Variants in FTO observed in about 807,000 individuals in gnomAD.
FTO encodes FTO alpha-ketoglutarate dependent dioxygenase.
In FTO, 47 loss-of-function variants were observed where a neutral mutation model predicts 63.9. The observed-to-expected ratio is 0.74, with a 90% confidence interval of 0.58 to 0.94. The LOEUF is 0.94. Ranked by LOEUF, FTO falls within the 40% of genes least tolerant of loss-of-function variation. The pLI is 0.00. For missense variants in FTO, 562 were observed against 618.1 expected, an observed-to-expected ratio of 0.91 and a Z score of 0.96; for synonymous variants, 207 against 224.4, an observed-to-expected ratio of 0.92 and a Z score of 0.69.
At chr16:53,966,527 A>T (rs774878530) in intron 8 of FTO, among the ~76,000 whole-genome samples, 1 of 152,236 alleles carries the variant, frequency 6.6e-6, no homozygotes, top group Admixed American at 6.5e-5. Context: ...TTGATTTCTC[A>T]GTCTACAACA....
At chr16:54,099,596 C>G (rs1400327193) in intron 8 of FTO, among the ~76,000 whole-genome samples, 6 of 152,136 alleles carry the variant, frequency 3.9e-5, no homozygotes, top group African/African-American at 1.2e-4. Flanking sequence ...GTCAGCAGCT[C>G]CTAAATGTTC....
At chr16:53,973,362 C>G (rs994285936) in intron 8 of FTO, among the ~76,000 whole-genome samples, 1 of 152,210 alleles carries the variant, frequency 6.6e-6, no homozygotes, top group Non-Finnish European at 1.5e-5. Flanking sequence ...CCAGATAAGT[C>G]TCTGTTTAAG....
At chr16:53,946,105 C>T (rs934529035) in intron 8 of FTO, among the ~76,000 whole-genome samples, 1 of 152,124 alleles carries the variant, frequency 6.6e-6, no homozygotes, top group African/African-American at 2.4e-5. Flanking sequence ...AACAGCTCTA[C>T]TGGCCTGTAG....
chr16:53,954,337 G>T (rs2082870884), intron 8 of FTO, among the ~76,000 whole-genome samples: 2 of 151,576 alleles, frequency 1.3e-5, no homozygotes, highest in African/African-American at 4.9e-5. Flanking sequence ...AAAGGAGGCA[G>T]AACTTTTTTT....
chr16:53,863,868 C>T (rs769410306), intron 4 of FTO, among the ~76,000 whole-genome samples: 9 of 152,206 alleles, frequency 5.9e-5, no homozygotes, highest in African/African-American at 9.6e-5. Flanking sequence ...GCCTTCTTTG[C>T]CCTTCTTTAA....
At chr16:53,941,761 A>G (rs1205445065) in intron 8 of FTO, among the ~76,000 whole-genome samples, 4 of 152,310 alleles carry the variant, frequency 2.6e-5, no homozygotes, top group African/African-American at 9.6e-5. Context: ...GGTAGGGGGA[A>G]GCACTTGAGC....
chr16:53,853,792 G>A (rs2079890668), intron 4 of FTO, among the ~76,000 whole-genome samples: 1 of 152,164 alleles, frequency 6.6e-6, no homozygotes, highest in Admixed American at 6.5e-5. Context: ...ACATATGCGT[G>A]CAGATATCTT....
At chr16:53,773,793 G>C (rs1436152586) in intron 1 of FTO, among the ~76,000 whole-genome samples, 1 of 152,102 alleles carries the variant, frequency 6.6e-6, no homozygotes, top group East Asian at 1.9e-4. Context: ...ACCTAGTGAA[G>C]GTTTGTAAAC....
chr16:53,977,059 GA>G (rs1271086509), intron 8 of FTO, among the ~76,000 whole-genome samples: 1 of 151,968 alleles, frequency 6.6e-6, no homozygotes, highest in Non-Finnish European at 1.5e-5. Flanking sequence ...GGCACCCTTT[GA>G]TTTTTTTTCC....
chr16:53,844,421 T>C (rs2079562557), intron 4 of FTO, 123 bp downstream of exon 4: 2 of 788,044 alleles, frequency 2.5e-6, no homozygotes, highest in South Asian at 3.3e-5. Flanking sequence ...AGAGCGAAAC[T>C]TCTTTATAAG....
At chr16:53,976,100 G>C (rs1427344902) in intron 8 of FTO, among the ~76,000 whole-genome samples, 1 of 152,064 alleles carries the variant, frequency 6.6e-6, no homozygotes, top group African/African-American at 2.4e-5. Flanking sequence ...CATCTTACAT[G>C]TCTTAATGTG....
At chr16:54,094,112 A>C (rs1599356867) in intron 8 of FTO, among the ~76,000 whole-genome samples, 1 of 152,170 alleles carries the variant, frequency 6.6e-6, no homozygotes, top group Non-Finnish European at 1.5e-5. Context: ...GTGACACTCC[A>C]CCAGCCCGTT....
At chr16:53,848,276 T>A (rs1470005597) in intron 4 of FTO, among the ~76,000 whole-genome samples, 3 of 152,144 alleles carry the variant, frequency 2.0e-5, no homozygotes, top group Admixed American at 1.3e-4. Context: ...ATAGCACTTA[T>A]GAAAAGGAAA....
chr16:54,074,708 G>A (rs2085944655), intron 8 of FTO, among the ~76,000 whole-genome samples: 1 of 151,852 alleles, frequency 6.6e-6, no homozygotes, highest in African/African-American at 2.4e-5. Context: ...AAAATTTTGT[G>A]TGAATCTTTA....
chr16:54,091,267 C>T (rs144796299), intron 8 of FTO, among the ~76,000 whole-genome samples: 196 of 152,202 alleles, frequency 1.3e-3, no homozygotes, highest in African/African-American at 4.6e-3. Context: ...AATGGTATGC[C>T]GGTACAGTGG....
intron 8 of FTO, among the ~76,000 whole-genome samples, chr16:54,109,586 C>A (rs1326916515): frequency 6.6e-5 from 10 of 152,182 alleles, no homozygotes; most frequent in Admixed American, 4.6e-4. Flanking sequence ...CCTGCCTTGG[C>A]CTACCAGGGT....
chr16:54,028,565 C>T (rs1567526796), intron 8 of FTO, among the ~76,000 whole-genome samples: 3 of 152,144 alleles, frequency 2.0e-5, no homozygotes, highest in Non-Finnish European at 4.4e-5. Context: ...AACGATACTA[C>T]CGATTACAAC....
intron 8 of FTO, among the ~76,000 whole-genome samples, chr16:54,086,077 T>A (rs2086249255): frequency 6.6e-6 from 1 of 152,174 alleles, no homozygotes; most frequent in Non-Finnish European, 1.5e-5. Context: ...TGAGCCTAAT[T>A]CAGATTTTTT....
At chr16:53,870,957 A>T (rs909210345) in intron 4 of FTO, among the ~76,000 whole-genome samples, 1 of 152,138 alleles carries the variant, frequency 6.6e-6, no homozygotes, top group African/African-American at 2.4e-5. Flanking sequence ...GTAGATTGAC[A>T]GTTTTTTCCT....
Sources: gnomAD v4.1 joint callset for allele counts (sites outside exome capture counted in the v4.1 genomes callset) on GRCh38, gnomAD v4.1.1 for gene constraint, MANE v1.5 for transcripts, NCBI Gene and HGNC (gene_info 2026-07-23, HGNC 2026-07-21) for gene names.